Variants in HEATR4 observed in about 807,000 individuals in gnomAD.
HEATR4 encodes the protein HEAT repeat-containing protein 4.
In HEATR4, 95 loss-of-function variants were observed where a neutral mutation model predicts 108.8. That is an observed-to-expected ratio of 0.87 (90% CI 0.74 to 1.04). The LOEUF is 1.04. HEATR4 is among the 50% of genes least tolerant of loss of function. The probability of loss-of-function intolerance (pLI) is 0.00; values close to 1 mark genes in which losing one functional copy is unlikely to be tolerated. For missense variants in HEATR4, 1,152 were observed against 1,253.8 expected (o/e 0.92, Z 1.23); for synonymous variants, 443 against 459.4 (o/e 0.96, Z 0.46).
the HEATR4 span, among the ~76,000 whole-genome samples, chr14:73,597,180 T>G: frequency 6.6e-6 from 1 of 151,918 alleles, no homozygotes; most frequent in African/African-American, 2.4e-5. Context: ...GCCTCCCAGG[T>G]TCATGCCATT....
At chr14:73,612,990 G>A in the HEATR4 span, 1 of 1,065,398 alleles carries the variant, frequency 9.4e-7, no homozygotes, top group Non-Finnish European at 1.3e-6. Flanking sequence ...GAGCCGGTGC[G>A]CGCGGGCCCG....
At chr14:73,534,722 T>C (rs1026338737) in intron 1 of HEATR4, among the ~76,000 whole-genome samples, 1 of 112,736 alleles carries the variant, frequency 8.9e-6, no homozygotes, top group African/African-American at 2.9e-5. Flanking sequence ...ACAAATACTA[T>C]GCATAAAACC....
the HEATR4 span, among the ~76,000 whole-genome samples, chr14:73,576,710 C>T: frequency 1.4e-5 from 2 of 140,690 alleles, no homozygotes; most frequent in Non-Finnish European, 1.5e-5. Context: ...GTGGGAGAAC[C>T]ACTTGAGCCC....
At chr14:73,561,778 G>T (rs1889533929), upstream of HEATR4, among the ~76,000 whole-genome samples, 1 of 152,074 alleles carries the variant, frequency 6.6e-6, no homozygotes, top group Non-Finnish European at 1.5e-5. Context: ...GAATGTAGAA[G>T]TTCAAGACCA....
chr14:73,570,675 C>T, the HEATR4 span, among the ~76,000 whole-genome samples: 20 of 152,108 alleles, frequency 1.3e-4, no homozygotes, highest in African/African-American at 4.8e-4. Context: ...GAGGCCGAGG[C>T]CGGCGGATCA....
chr14:73,600,002 G>A, the HEATR4 span, among the ~76,000 whole-genome samples: 137 of 152,298 alleles, frequency 9.0e-4, 8 homozygotes, highest in South Asian at 0.028. Flanking sequence ...ATGAGGCTCA[G>A]AACAGTCCCT....
chr14:73,569,467 G>A, the HEATR4 span: 1 of 1,613,404 alleles, frequency 6.2e-7, no homozygotes, highest in Non-Finnish European at 8.5e-7. Flanking sequence ...GGCCGCTGCT[G>A]CTGGGACGAA....
At chr14:73,632,989 T>TTCTC in the HEATR4 span, among the ~76,000 whole-genome samples, 8 of 144,698 alleles carry the variant, frequency 5.5e-5, no homozygotes, top group East Asian at 1.4e-3. Flanking sequence ...TAATTCAGCT[T>TTCTC]TCTCTCTCTC....
the HEATR4 span, among the ~76,000 whole-genome samples, chr14:73,610,144 G>A: frequency 0.62 from 94,486 of 151,654 alleles, 31,208 homozygotes; most frequent in East Asian, 0.94. Flanking sequence ...AAAACTTCTT[G>A]CCTGGATCAC....
At chr14:73,597,591 C>CTTTT in the HEATR4 span, among the ~76,000 whole-genome samples, 251 of 98,022 alleles carry the variant, frequency 2.6e-3, no homozygotes, top group Non-Finnish European at 3.2e-3. Context: ...TTTTTCTTTT[C>CTTTT]TTTTTTTTTT....
At chr14:73,529,447 C>T (rs1377221685) in intron 2 of HEATR4, among the ~76,000 whole-genome samples, 4 of 151,070 alleles carry the variant, frequency 2.6e-5, no homozygotes, top group Non-Finnish European at 4.4e-5. Flanking sequence ...ATCTGCATTT[C>T]TAGGAACTTG....
At chr14:73,601,509 A>G in the HEATR4 span, among the ~76,000 whole-genome samples, 13 of 152,324 alleles carry the variant, frequency 8.5e-5, no homozygotes, top group East Asian at 2.3e-3. Context: ...GATTGCAGTG[A>G]GCTGAGATCG....
At chr14:73,491,068 G>A in intron 17 of HEATR4, 1 of 1,594,408 alleles carries the variant, frequency 6.3e-7, no homozygotes, top group Non-Finnish European at 8.5e-7. Flanking sequence ...GGCGGCCGAA[G>A]CGCCGGCGCA....
In HEATR4 at chr14:73,492,021, A is replaced by G. The variant is rs957659122; in HGVS notation, c.2844+1045T>C. Reference sequence around the variant, plus strand: ...GTTTACCTCACGCCCCCTAACTCGCAGGGCTTTGCCCCCCACTACGACGAC... The same window carrying G: ...GTTTACCTCACGCCCCCTAACTCGCGGGGCTTTGCCCCCCACTACGACGAC... On this transcript the variant is annotated intron_variant, in intron 17 of 17. Transcript: ENST00000553558. This position sits in a 1 kb window ranked among gnomAD's most constrained non-coding sequence, Gnocchi z 4.9. 4 of 1,613,890 alleles carry G rather than the reference A, an allele frequency of 2.5e-6. No individual in the cohort carries two copies. Among genetic ancestry groups the G allele is most frequent in the Non-Finnish European group, 3.4e-6 (4 of 1,179,906 alleles).
rs189011691 is a variant in HEATR4 at position 73,546,192 on chromosome 14, G to A, written c.-152+12559C>T. ...AGATGGGGTTTTGCCATGTTGGTCA[G>A]CTGGTCTCGAACTCCTGACCTCAGG... On this transcript the variant is annotated intron_variant, in intron 1 of 17. Transcript: ENST00000553558. Among the ~76,000 whole-genome samples, 427 of 112,666 alleles carry A rather than the reference G, an allele frequency of 3.8e-3. 82 individuals carry two copies. Among genetic ancestry groups the A allele is most frequent in the African/African-American group, 0.012 (408 of 34,804 alleles). 73.9% of individuals were successfully genotyped at this position (112,666 alleles called of 152,430 possible). A position where few individuals can be genotyped will look rare whatever the true frequency, so the allele number is the denominator to read the frequency against.
the HEATR4 span, chr14:73,569,313 C>T: frequency 6.2e-7 from 1 of 1,613,950 alleles, no homozygotes; most frequent in Non-Finnish European, 8.5e-7. Context: ...GGCCTCATCT[C>T]CTGCTGTCCT....
chr14:73,593,745 A>T, the HEATR4 span: 1 of 1,613,662 alleles, frequency 6.2e-7, no homozygotes, highest in South Asian at 1.1e-5. Flanking sequence ...TTGGTATTGG[A>T]GGGGGCCTCT....
the HEATR4 span, among the ~76,000 whole-genome samples, chr14:73,630,659 G>C: frequency 6.6e-6 from 1 of 152,186 alleles, no homozygotes; most frequent in Non-Finnish European, 1.5e-5. Context: ...AGTCAAATAA[G>C]GTAGATCAGA....
At chr14:73,573,485 G>A in the HEATR4 span, 1 of 1,613,706 alleles carries the variant, frequency 6.2e-7, no homozygotes, top group African/African-American at 1.3e-5. Flanking sequence ...GTTTTGCTGT[G>A]ATGGCTCTGG....
Sources: gnomAD v4.1 joint callset for allele counts (sites outside exome capture counted in the v4.1 genomes callset) on GRCh38, gnomAD v4.1.1 for gene constraint, Gnocchi (gnomAD v3.1) non-coding constraint, MANE v1.5 for transcripts, NCBI Gene and HGNC (gene_info 2026-07-23, HGNC 2026-07-21) for gene names.